TANC1: variants seen among roughly 807,000 people sequenced by gnomAD.
The protein encoded by TANC1 is tetratricopeptide repeat, ankyrin repeat and coiled-coil containing 1.
Under a neutral mutation model 149.7 loss-of-function variants are expected in TANC1, and 77 were observed. The ratio of observed to expected loss-of-function variants is 0.51; its 90% confidence interval spans 0.43 to 0.62. TANC1 has a LOEUF of 0.62. TANC1 is among the 20% of genes least tolerant of loss of function. The pLI is 0.00. For missense variants in TANC1, 1,985 were observed against 2,321.8 expected (o/e 0.85, Z 2.98); for synonymous variants, 854 against 925.0 (o/e 0.92, Z 1.39).
At chr2:159,138,031 A>G (rs1329462344) in intron 5 of TANC1, among the ~76,000 whole-genome samples, 2 of 152,188 alleles carry the variant, frequency 1.3e-5, no homozygotes, top group African/African-American at 2.4e-5. Context: ...TTCTTGACGA[A>G]TGGAAGTGTT....
intron 2 of TANC1, among the ~76,000 whole-genome samples, chr2:159,039,939 T>A (rs1333574010): frequency 6.6e-6 from 1 of 152,304 alleles, no homozygotes; most frequent in Non-Finnish European, 1.5e-5. Flanking sequence ...CTGTCTAATA[T>A]TGACAGTGGG....
chr2:159,062,783 A>C lies in TANC1; in HGVS notation c.-15-3113A>C, dbSNP rs920116103. On this transcript the variant is annotated intron_variant, in intron 2 of 26. Transcript: ENST00000263635. ...GAGATCGAGACCATCCTGGCTAACA[A>C]GGTGAAACCCCGTCTCTACTAAAAA... 6.0e-5 allele frequency among the ~76,000 whole-genome samples: 9 copies of C among 150,966 alleles called. No individual in the cohort carries two copies. In the South Asian group the frequency reaches 8.5e-4, roughly 14 times the overall value.
chr2:159,087,082 G>A (rs978822316), intron 3 of TANC1, among the ~76,000 whole-genome samples: 1 of 151,976 alleles, frequency 6.6e-6, no homozygotes. Context: ...ATCAGTTATT[G>A]CTTTAAGGGT....
chr2:159,194,115 T>C, intron 16 of TANC1, 142 bp from the exon 17 acceptor site: 1 of 689,432 alleles, frequency 1.5e-6, no homozygotes, highest in Non-Finnish European at 2.6e-6. Flanking sequence ...ATTGTTAATA[T>C]ATTCCCAGGT....
At chr2:159,163,252 T>G (rs1244306462) in intron 7 of TANC1, 31 bp from the exon 8 acceptor site, 3 of 1,599,612 alleles carry the variant, frequency 1.9e-6, no homozygotes, top group African/African-American at 1.3e-5. Context: ...GTGCCTGGCC[T>G]CCTTCAAAGT....
chr2:159,170,941 A>G (rs2055130257), intron 10 of TANC1, 136 bp downstream of exon 10: 1 of 957,136 alleles, frequency 1.0e-6, no homozygotes. Context: ...TCATGTGTGA[A>G]GTGAACTGTT....
chr2:158,987,192 T>TAC (rs1348776422), intron 1 of TANC1, among the ~76,000 whole-genome samples: 14 of 116,870 alleles, frequency 1.2e-4, no homozygotes, highest in South Asian at 8.0e-4. Flanking sequence ...CCAGCCTGGG[T>TAC]GACAGAGCAA....
intron 1 of TANC1, among the ~76,000 whole-genome samples, chr2:158,993,400 T>C (rs2035857999): frequency 6.6e-6 from 1 of 152,186 alleles, no homozygotes; most frequent in Non-Finnish European, 1.5e-5. Flanking sequence ...TATAGATGCA[T>C]GCCAGCACAC....
intron 4 of TANC1, among the ~76,000 whole-genome samples, chr2:159,133,755 A>G (rs1418548044): frequency 6.6e-6 from 1 of 152,172 alleles, no homozygotes; most frequent in East Asian, 1.9e-4. Context: ...AATCTTTGTA[A>G]AAGTTCCCTT....
At chr2:159,079,346 C>CTTTTTTTTT (rs68143585) in intron 3 of TANC1, among the ~76,000 whole-genome samples, 7 of 109,908 alleles carry the variant, frequency 6.4e-5, no homozygotes, top group African/African-American at 1.4e-4. Flanking sequence ...GTGTGTGTGT[C>CTTTTTTTTT]TTTTTTTTTT....
chr2:159,148,646 T>C (rs1473840531), intron 5 of TANC1: 2 of 152,350 alleles, frequency 1.3e-5, no homozygotes, highest in Non-Finnish European at 2.9e-5. Flanking sequence ...GCACAGGAAG[T>C]TTTCCACCAA....
At chr2:159,112,482 C>T (rs541478226) in intron 4 of TANC1, among the ~76,000 whole-genome samples, 93 of 151,834 alleles carry the variant, frequency 6.1e-4, no homozygotes, top group African/African-American at 2.1e-3. Flanking sequence ...TGTCAAACTC[C>T]TGACCTCAGG....
chr2:159,115,478 A>G (rs1200597254), intron 4 of TANC1, among the ~76,000 whole-genome samples: 2 of 152,184 alleles, frequency 1.3e-5, no homozygotes, highest in African/African-American at 4.8e-5. Context: ...CTGTTTGTAC[A>G]TGAGAATTAG....
rs2060294037 is a variant in TANC1 at position 159,230,723 on chromosome 2, A to G, written c.5297A>G (p.Asn1766Ser). 1 of 1,614,100 alleles carries G rather than the reference A, an allele frequency of 6.2e-7. No individual in the cohort carries two copies. The highest frequency in any genetic ancestry group is 8.5e-7 in the Non-Finnish European group (1 of 1,180,060). Reference sequence around the variant, plus strand: ...TCTGCAGCTGGCCTGCAGTCTGCTAACACTGAGAAGCCCTCTCTCATGCAA... The same window carrying G: ...TCTGCAGCTGGCCTGCAGTCTGCTAGCACTGAGAAGCCCTCTCTCATGCAA... The part of the protein sequence containing the change: ...TSSAAGLQSA[N>S]TEKPSLMQVG... The change falls in exon 27 of 27, where the codon AAC becomes AGC. Residue 1766 changes from asparagine (N) to serine (S), a missense_variant. Asn to Ser is a conservative substitution (Grantham distance 46, BLOSUM62 1). Coordinates refer to ENST00000263635, the MANE Select transcript of TANC1 (RefSeq NM_033394.3). The surrounding 1 kb of genome is among the most constrained non-coding windows in gnomAD (Gnocchi z 4.4).
intron 2 of TANC1, among the ~76,000 whole-genome samples, chr2:159,047,191 C>T (rs968745691): frequency 6.7e-6 from 1 of 149,472 alleles, no homozygotes; most frequent in Non-Finnish European, 1.5e-5. Flanking sequence ...ACTCATTTCC[C>T]CCCCCCAGTT....
At chr2:159,185,952 T>C in intron 15 of TANC1, 53 bp downstream of exon 15, 1 of 1,420,138 alleles carries the variant, frequency 7.0e-7, no homozygotes, top group Non-Finnish European at 9.9e-7. Flanking sequence ...TTTTGAGGTT[T>C]TGCTTTGGAG....
chr2:158,970,003 A>T (rs1022886863), intron 1 of TANC1, among the ~76,000 whole-genome samples: 1 of 152,178 alleles, frequency 6.6e-6, no homozygotes, highest in Non-Finnish European at 1.5e-5. Flanking sequence ...CTGAGTCTTA[A>T]CGTGGGTTGG....
At chr2:159,110,679 T>C (rs1400288288) in intron 4 of TANC1, among the ~76,000 whole-genome samples, 1 of 152,222 alleles carries the variant, frequency 6.6e-6, no homozygotes, top group Non-Finnish European at 1.5e-5. Flanking sequence ...TTAAACAAGA[T>C]GTAGACTGTA....
At chr2:159,157,278 C>T (rs1194584859) in intron 7 of TANC1, among the ~76,000 whole-genome samples, 1 of 151,982 alleles carries the variant, frequency 6.6e-6, no homozygotes, top group Non-Finnish European at 1.5e-5. Context: ...AAGCTGTGGC[C>T]GCAGGTGAAC....
Sources: allele counts gnomAD v4.1 joint callset (sites outside exome capture counted in the v4.1 genomes callset), GRCh38; gene constraint gnomAD v4.1.1; non-coding constraint Gnocchi (gnomAD v3.1); transcripts MANE v1.5; gene names NCBI Gene and HGNC (gene_info 2026-07-23, HGNC 2026-07-21).